Variants in TRIM6 observed in about 807,000 individuals in gnomAD.
TRIM6 encodes tripartite motif containing 6, also known as tripartite motif-containing protein 6.
Under a neutral mutation model 51.2 loss-of-function variants are expected in TRIM6, and 43 were observed. The ratio of observed to expected loss-of-function variants is 0.84; its 90% CI spans 0.66 to 1.08. The LOEUF is 1.08. Ranked by LOEUF, TRIM6 falls within the 50% of genes least tolerant of loss-of-function variation. The probability of loss-of-function intolerance (pLI) is 0.00; values close to 1 mark genes in which losing one functional copy is unlikely to be tolerated. For missense variants in TRIM6, 669 were observed against 619.0 expected (o/e 1.08, Z -0.86); for synonymous variants, 215 against 232.4 (o/e 0.93, Z 0.68).
At position 5,610,155 on chromosome 11, in the gene TRIM6, T is replaced by C; in HGVS notation, c.868T>C (p.Trp290Arg). ...TCCTGTCCTTTCTAGGAGTGAGTTC[T>C]GGACCCTGAGGAAGCCAGAAGCTCT... ...VSDVTERSEFWTLRKPEALPT... is the reference protein window; with the variant it reads ...VSDVTERSEFRTLRKPEALPT... Residue 290 changes from tryptophan (W) to arginine (R), a missense_variant, in exon 6 of 8, where the codon TGG (tryptophan) becomes CGG (arginine). By Grantham distance (101) the Trp-to-Arg change is moderately radical. Transcript: ENST00000380097. The C allele has an allele frequency of 6.2e-7, 1 of 1,614,130 alleles. No homozygotes were observed. The highest frequency in any genetic ancestry group is 8.5e-7 in the Non-Finnish European group (1 of 1,180,016).
intron 5 of TRIM6, among the ~76,000 whole-genome samples, chr11:5,609,705 G>C (rs950308298): frequency 6.6e-6 from 1 of 152,108 alleles, no homozygotes. Context: ...GGCAGATCAC[G>C]AGGTCAGGAG....
intron 1 of TRIM6, among the ~76,000 whole-genome samples, chr11:5,598,418 A>G (rs1000190275): frequency 1.5e-4 from 23 of 152,226 alleles, no homozygotes; most frequent in Non-Finnish European, 2.8e-4. Context: ...ATGAATATCT[A>G]CAGCGCATAT....
Position 5,611,073 on chromosome 11 carries a change from G to C in TRIM6, c.1282G>C (p.Gly428Arg). 1.2e-6 allele frequency: 2 copies of C among 1,614,164 alleles called. No homozygotes were observed. The highest frequency in any genetic ancestry group is 2.2e-5 in the South Asian group (2 of 91,066). The change falls in exon 8 of 8, where the codon GGA becomes CGA. Residue 428 changes from glycine to arginine, a missense_variant. Coordinates refer to ENST00000380097, the MANE Select transcript of TRIM6 (RefSeq NM_001003818.3). ...TTACTCCAGGTATCAGCCTCAGAGT[G>C]GATACTGGGTGATTGGGTTACAGCA... ...SAYSRYQPQS[G>R]YWVIGLQHNH... is the part of the protein sequence containing the mutation.
rs769074234 is a variant in TRIM6 at position 5,603,262 on chromosome 11, A to C, written c.34A>C (p.Asn12His). Reference protein sequence around the residue: ...CGSERILQAGNILEIRVGQAG... With the variant: ...CGSERILQAGHILEIRVGQAG... Reference sequence around the variant, plus strand: ...TCTACCTAGGATTCTACAGGCAGGAAACATCTTAGAAATCAGGGTTGGGCA... The same window carrying C: ...TCTACCTAGGATTCTACAGGCAGGACACATCTTAGAAATCAGGGTTGGGCA... Residue 12 changes from asparagine to histidine, a missense_variant, in exon 2 of 8, where the codon AAC becomes CAC. Asn to His is a moderately conservative substitution (Grantham distance 68). Coordinates refer to ENST00000380097, the MANE Select transcript of TRIM6 (RefSeq NM_001003818.3). The C allele has an allele frequency of 6.2e-7, 1 of 1,613,722 alleles. No homozygotes were observed. The highest frequency in any genetic ancestry group is 1.1e-5 in the South Asian group (1 of 91,052).
At chr11:5,607,059 C>A (rs1385874663) in intron 4 of TRIM6, among the ~76,000 whole-genome samples, 1 of 152,094 alleles carries the variant, frequency 6.6e-6, no homozygotes, top group African/African-American at 2.4e-5. Context: ...AAAAAATTAG[C>A]CGGGCGTGGT....
intron 1 of TRIM6, among the ~76,000 whole-genome samples, chr11:5,600,864 C>T (rs1387067107): frequency 1.3e-5 from 2 of 152,006 alleles, no homozygotes; most frequent in African/African-American, 2.4e-5. Context: ...TCTTTGGTGG[C>T]CCAAACACAA....
At position 5,596,958 on chromosome 11, in the gene TRIM6, G is replaced by A. The variant is rs765969144; in HGVS notation, c.17+44G>A. Reference sequence around the variant, plus strand: ...TGACTGGCTCTTATTGTCACTTCTGGCAGAGGTGACAGGGCAGTGAAAGAG... The same window carrying A: ...TGACTGGCTCTTATTGTCACTTCTGACAGAGGTGACAGGGCAGTGAAAGAG... On this transcript the variant is annotated intron_variant, in intron 1 of 7. Transcript: ENST00000380097. The A allele has an allele frequency of 6.2e-6, 10 of 1,613,810 alleles. No individual in the cohort carries two copies. The African/African-American group carries it at 1.1e-4, about 17-fold the overall frequency.
In TRIM6 at chr11:5,608,404, A is replaced by T. The variant is rs1201027037; in HGVS notation, c.857+10A>T. The stretch of plus-strand genomic sequence containing the variant: ...GTGATGTCACAGAAAGGTATGTGTA[A>T]GGAGAACATGAGGTAGTTCCCCTGG... On this transcript the variant is annotated intron_variant, in intron 5 of 7. Coordinates refer to ENST00000380097, the MANE Select transcript of TRIM6 (RefSeq NM_001003818.3). 1.9e-6 allele frequency: 3 copies of T among 1,613,542 alleles called. No homozygotes were observed. Among genetic ancestry groups the T allele is most frequent in the Non-Finnish European group, 2.5e-6 (3 of 1,179,764 alleles).
intron 4 of TRIM6, among the ~76,000 whole-genome samples, 186 bp from the exon 5 acceptor site, chr11:5,608,185 TA>T (rs994224568): frequency 2.6e-5 from 4 of 152,230 alleles, no homozygotes; most frequent in African/African-American, 7.2e-5. Flanking sequence ...TCAATTGAGT[TA>T]TTTTTTGATG....
At chr11:5,607,141 G>A (rs779065974) in intron 4 of TRIM6, among the ~76,000 whole-genome samples, 2 of 151,856 alleles carry the variant, frequency 1.3e-5, no homozygotes, top group African/African-American at 4.8e-5. Context: ...GAGGCGGAGC[G>A]TGCAGTGAGC....
At position 5,610,220 on chromosome 11, in the gene TRIM6, GA is replaced by G; in HGVS notation, c.937del (p.Arg313GlyfsTer9). Reference sequence around the variant, plus strand: ...GAAGTATGTTCCGAGCCCCAGATCTGAAAAGGATGCTGCGAGTGTGTAGAGG... The same window carrying G: ...GAAGTATGTTCCGAGCCCCAGATCTGAAAGGATGCTGCGAGTGTGTAGAGG... ...LRSMFRAPDL[K>X]RMLRVCRELT... On this transcript the variant is annotated frameshift_variant, in exon 6 of 8. Coordinates refer to ENST00000380097, the MANE Select transcript of TRIM6 (RefSeq NM_001003818.3). LOFTEE classifies it low-confidence loss of function (END_TRUNC). The G allele has an allele frequency of 6.2e-7, 1 of 1,614,122 alleles. No individual in the cohort carries two copies. Among genetic ancestry groups the G allele is most frequent in the Non-Finnish European group, 8.5e-7 (1 of 1,179,998 alleles).
rs566305358 is a variant in TRIM6, at chr11:5,603,840, G to C, written c.507+105G>C. ...TCTCTTTGTAGTCTTTATTTACCTAGAGAATGAACCTGGAAACTGCCTCCC... is the reference window on the plus strand; with the variant it reads ...TCTCTTTGTAGTCTTTATTTACCTACAGAATGAACCTGGAAACTGCCTCCC... On this transcript the variant is annotated intron_variant, in intron 2 of 7. Coordinates refer to ENST00000380097, the MANE Select transcript of TRIM6 (RefSeq NM_001003818.3). 4 of 1,474,196 alleles carry C rather than the reference G, an allele frequency of 2.7e-6. No individual in the cohort carries two copies. The South Asian group carries it at 4.3e-5, about 16-fold the overall frequency. 91.3% of individuals were successfully genotyped at this position (1,474,196 alleles called of 1,614,324 possible).
intron 1 of TRIM6, 72 bp downstream of exon 1, chr11:5,596,986 A>G: frequency 7.4e-6 from 12 of 1,610,790 alleles, no homozygotes; most frequent in Non-Finnish European, 1.0e-5. Flanking sequence ...TGAAAGAGAT[A>G]AGGTCCTTTC....
chr11:5,596,862 C>CT lies in TRIM6; in HGVS notation c.-34dup. Reference sequence around the variant, plus strand: ...GAAGAGCTTTGACCACCTGATATTGCTTACATCTGGAACTTCTTGGCTTCT... The same window carrying CT: ...GAAGAGCTTTGACCACCTGATATTGCTTTACATCTGGAACTTCTTGGCTTCT... On this transcript the variant is annotated 5_prime_UTR_variant, in exon 1 of 8. Coordinates refer to ENST00000380097, the MANE Select transcript of TRIM6 (RefSeq NM_001003818.3). The CT allele has an allele frequency of 6.2e-7, 1 of 1,613,894 alleles. No individual in the cohort carries two copies. The highest frequency in any genetic ancestry group is 1.1e-5 in the South Asian group (1 of 91,068).
At chr11:5,604,088 C>G (rs1418875047) in intron 2 of TRIM6, among the ~76,000 whole-genome samples, 2 of 152,056 alleles carry the variant, frequency 1.3e-5, no homozygotes, top group Non-Finnish European at 2.9e-5. Flanking sequence ...CTCCGCCTCC[C>G]GGGTTCAAGC....
chr11:5,599,847 T>C (rs1480576160), intron 1 of TRIM6, among the ~76,000 whole-genome samples: 2 of 152,224 alleles, frequency 1.3e-5, no homozygotes, highest in East Asian at 3.8e-4. Flanking sequence ...ATTTCCTGTG[T>C]TAGCTGCAGT....
At chr11:5,607,946 A>G (rs11038328) in intron 4 of TRIM6, among the ~76,000 whole-genome samples, 12,552 of 152,246 alleles carry the variant, frequency 0.082, 549 homozygotes, top group South Asian at 0.12. Context: ...GTAGGGTAGA[A>G]GGTTAGAGAA....
In TRIM6 at chr11:5,603,411, C is replaced by T; in HGVS notation, c.183C>T (p.Ser61=). Residue 61 remains serine (S), a synonymous_variant, in exon 2 of 8, where the codon AGC becomes AGT. Transcript: ENST00000380097. ...CCCTGAGCATAGACTGTGGCCACAG[C>T]TTCTGCCAAGCCTGCATCACACCAA... The part of the protein sequence containing the change: ...TEPLSIDCGH[S]FCQACITPNG... The T allele has an allele frequency of 6.2e-7, 1 of 1,614,082 alleles. No individual in the cohort carries two copies. Among genetic ancestry groups the T allele is most frequent in the Non-Finnish European group, 8.5e-7 (1 of 1,180,008 alleles).
rs1365351014 is a variant in TRIM6 at position 5,611,485 on chromosome 11, G to A, written c.*143G>A. ...TGAATCTTTTTTGAGATGGAATCTCGCTCTGTCGCCCAGGCTGGAGTGCAC... is the reference window on the plus strand; with the variant it reads ...TGAATCTTTTTTGAGATGGAATCTCACTCTGTCGCCCAGGCTGGAGTGCAC... On this transcript the variant is annotated 3_prime_UTR_variant, in exon 8 of 8. Transcript: ENST00000380097. 14 of 762,338 alleles carry A rather than the reference G, an allele frequency of 1.8e-5. No individual in the cohort carries two copies. Among genetic ancestry groups the A allele is most frequent in the South Asian group, 7.4e-5 (4 of 53,972 alleles). 47.2% of individuals were successfully genotyped at this position (762,338 alleles called of 1,614,324 possible). A position where few individuals can be genotyped will look rare whatever the true frequency, so the allele number is the denominator to read the frequency against.
Sources: allele counts gnomAD v4.1 joint callset (sites outside exome capture counted in the v4.1 genomes callset), GRCh38; gene constraint gnomAD v4.1.1; transcripts MANE v1.5; gene names NCBI Gene and HGNC (gene_info 2026-07-23, HGNC 2026-07-21).